PRPF18: variants seen among roughly 807,000 people sequenced by gnomAD.
The protein encoded by PRPF18 is pre-mRNA-splicing factor 18.
Under a neutral mutation model 46.5 loss-of-function variants are expected in PRPF18, and 38 were observed. The observed-to-expected ratio is 0.82, with a 90% CI of 0.63 to 1.07. The LOEUF (loss-of-function observed/expected upper bound fraction) is 1.07, where lower values mean the gene tolerates loss of function less well. PRPF18 is among the 50% of genes least tolerant of loss of function. The pLI, the probability that PRPF18 is intolerant of heterozygous loss-of-function variation, is 0.00. For missense variants in PRPF18, 263 were observed against 410.0 expected (o/e 0.64, Z 3.10); for synonymous variants, 152 against 146.7 (o/e 1.04, Z -0.26).
downstream of PRPF18, among the ~76,000 whole-genome samples, chr10:13,633,494 T>G (rs1400334876): frequency 2.6e-5 from 4 of 152,180 alleles, no homozygotes; most frequent in African/African-American, 4.8e-5. Flanking sequence ...CACCAGTGTT[T>G]CCAAATCTTT....
chr10:13,595,944 A>G (rs2080029809), intron 1 of PRPF18, among the ~76,000 whole-genome samples: 1 of 152,218 alleles, frequency 6.6e-6, no homozygotes, highest in South Asian at 2.1e-4. Context: ...TAAAACCAAA[A>G]TATGATCACA....
intron 3 of PRPF18, among the ~76,000 whole-genome samples, chr10:13,604,723 A>T (rs961815343): frequency 1.3e-5 from 2 of 152,242 alleles, no homozygotes; most frequent in Non-Finnish European, 2.9e-5. Flanking sequence ...CCTAAACTTT[A>T]TGGTTACTTA....
chr10:13,609,324 G>A (rs1024038407), intron 4 of PRPF18, among the ~76,000 whole-genome samples: 1 of 152,170 alleles, frequency 6.6e-6, no homozygotes, highest in African/African-American at 2.4e-5. Context: ...TTCTGTAGGT[G>A]AGTCTACTGA....
In PRPF18 at chr10:13,619,169, G is replaced by C. The variant is rs114202642; in HGVS notation, c.948+2616G>C. On this transcript the variant is annotated intron_variant, in intron 9 of 9. Coordinates refer to ENST00000378572, the MANE Select transcript of PRPF18 (RefSeq NM_003675.4). Reference sequence around the variant, plus strand: ...CTCTTGCCCTCTGCTCACCTCTGCTGTGTGGCCCATTGCCTGACTGGCCAC... The same window carrying C: ...CTCTTGCCCTCTGCTCACCTCTGCTCTGTGGCCCATTGCCTGACTGGCCAC... 2.6e-3 allele frequency among the ~76,000 whole-genome samples: 398 copies of C among 152,356 alleles called. 4 individuals are homozygous for C. Among genetic ancestry groups the C allele is most frequent in the Middle Eastern group, 0.01 (3 of 294 alleles).
chr10:13,616,339 G>C, intron 8 of PRPF18, 59 bp from the exon 9 acceptor site: 1 of 1,494,890 alleles, frequency 6.7e-7, no homozygotes, highest in African/African-American at 1.4e-5. Flanking sequence ...CTTTCAGTAA[G>C]AATTTGAGCC....
At chr10:13,592,041 C>A in intron 1 of PRPF18, 2 of 611,064 alleles carry the variant, frequency 3.3e-6, no homozygotes, top group Non-Finnish European at 5.8e-6. Context: ...CTTGTCACCA[C>A]CAACTGGTTT....
At chr10:13,644,076 A>G in the PRPF18 span, 38 of 152,676 alleles carry the variant, frequency 2.5e-4, no homozygotes, top group African/African-American at 8.9e-4. Flanking sequence ...TGCTATATTT[A>G]GAACTAAACT....
At chr10:13,609,699 T>C (rs940402841) in intron 4 of PRPF18, among the ~76,000 whole-genome samples, 3 of 152,214 alleles carry the variant, frequency 2.0e-5, no homozygotes, top group Non-Finnish European at 4.4e-5. Flanking sequence ...GGTTGGGGAC[T>C]CTAATGGAGA....
chr10:13,627,231 T>G (rs1413805730), intron 9 of PRPF18, among the ~76,000 whole-genome samples: 1 of 152,206 alleles, frequency 6.6e-6, no homozygotes, highest in Admixed American at 6.5e-5. Context: ...CTTAGCATCG[T>G]TGAAAATTTT....
At chr10:13,595,652 G>A (rs904222971) in intron 1 of PRPF18, among the ~76,000 whole-genome samples, 2 of 152,080 alleles carry the variant, frequency 1.3e-5, no homozygotes, top group African/African-American at 4.8e-5. Flanking sequence ...CTCTAAAAAG[G>A]GGTTAATACT....
At chr10:13,608,378 C>G (rs2133589728) in intron 4 of PRPF18, among the ~76,000 whole-genome samples, 1 of 151,382 alleles carries the variant, frequency 6.6e-6, no homozygotes, top group African/African-American at 2.5e-5. Context: ...GGCCCGCTCC[C>G]CGACCTGCTC....
At chr10:13,653,099 C>CATGTGTGTTAGAAGCTGCTCGCAGCCT in the PRPF18 span, 1 of 151,826 alleles carries the variant, frequency 6.6e-6, no homozygotes, top group Non-Finnish European at 1.5e-5. Flanking sequence ...TGTATGAGCT[C>CATGTGTGTTAGAAGCTGCTCGCAGCCT]ATGTGTGTTA....
the PRPF18 span, chr10:13,650,969 T>C: frequency 6.6e-6 from 1 of 152,360 alleles, no homozygotes; most frequent in African/African-American, 2.4e-5. Context: ...ACTTAATACA[T>C]AAGTGTAGCA....
chr10:13,622,574 T>C (rs2080435917), intron 9 of PRPF18, among the ~76,000 whole-genome samples: 2 of 152,246 alleles, frequency 1.3e-5, no homozygotes, highest in South Asian at 2.1e-4. Flanking sequence ...TGTAACTTTC[T>C]GTGAAATAAA....
rs535172391 is a variant in PRPF18 at position 13,600,371 on chromosome 10, C to A, written c.249+23C>A. ...GAGGTAAGTTTATTTGTGATGGTTTCATGAGAATAAGATCTCCACGGTGTT... is the reference window on the plus strand; with the variant it reads ...GAGGTAAGTTTATTTGTGATGGTTTAATGAGAATAAGATCTCCACGGTGTT... On this transcript the variant is annotated intron_variant, in intron 3 of 9. Coordinates refer to ENST00000378572, the MANE Select transcript of PRPF18 (RefSeq NM_003675.4). 14 of 1,542,338 alleles carry A rather than the reference C, an allele frequency of 9.1e-6. No homozygotes were observed. The Admixed American group carries it at 2.4e-4, about 26-fold the overall frequency.
chr10:13,641,065 CTCTT>C, the PRPF18 span: 1 of 152,196 alleles, frequency 6.6e-6, no homozygotes, highest in Admixed American at 6.5e-5. Flanking sequence ...AAAGCTGTTC[CTCTT>C]TCTGTCATAG....
At chr10:13,590,439 T>G (rs1471928955) in intron 1 of PRPF18, among the ~76,000 whole-genome samples, 1 of 104,474 alleles carries the variant, frequency 9.6e-6, no homozygotes, top group African/African-American at 3.5e-5. Flanking sequence ...CTACTGAAAA[T>G]ACAAAAAAAA....
the PRPF18 span, among the ~76,000 whole-genome samples, chr10:13,638,299 C>CTTTTTTTTTTTTTTTTTTTTTTTTTTTTT: frequency 8.0e-6 from 1 of 125,040 alleles, no homozygotes. Context: ...CTTGGCTTTT[C>CTTTTTTTTTTTTTTTTTTTTTTTTTTTTT]TTTTTTTTTT....
At chr10:13,607,141 G>A (rs72767545) in intron 4 of PRPF18, among the ~76,000 whole-genome samples, 22 of 152,234 alleles carry the variant, frequency 1.4e-4, no homozygotes, top group Middle Eastern at 6.8e-3. Flanking sequence ...ACCTACGCTG[G>A]AATGCGGTGG....
Sources: allele counts gnomAD v4.1 joint callset (sites outside exome capture counted in the v4.1 genomes callset), GRCh38; gene constraint gnomAD v4.1.1; transcripts MANE v1.5; gene names NCBI Gene and HGNC (gene_info 2026-07-23, HGNC 2026-07-21).